Variants in PCDH9 observed in about 807,000 individuals in gnomAD.
The protein encoded by PCDH9 is protocadherin 9.
Under a neutral mutation model 70.6 loss-of-function variants are expected in PCDH9, and 24 were observed. That is an observed-to-expected ratio of 0.34 (90% confidence interval 0.25 to 0.48). PCDH9 has a LOEUF of 0.48. PCDH9 is among the 20% of genes least tolerant of loss of function. PCDH9 has a pLI of 0.99. For synonymous variants in PCDH9, 562 were observed against 558.5 expected, an observed-to-expected ratio of 1.01 and a Z score of -0.09; for missense variants, 1,281 against 1,503.6, an observed-to-expected ratio of 0.85 and a Z score of 2.45.
intron 2 of PCDH9, among the ~76,000 whole-genome samples, chr13:66,925,720 A>G (rs2082707256): frequency 6.6e-6 from 1 of 151,982 alleles, no homozygotes; most frequent in Admixed American, 6.6e-5. Flanking sequence ...TTATACAAAC[A>G]AACATATCAT....
Position 66,409,604 on chromosome 13 carries a change from T to G in PCDH9, c.3341-104576A>C, listed in dbSNP as rs1429475509. ...CTTAATTTGTCACCAGCACCGAAACTAGATTTCTCCAACATACTCATCCCC... is the reference window on the plus strand; with the variant it reads ...CTTAATTTGTCACCAGCACCGAAACGAGATTTCTCCAACATACTCATCCCC... On this transcript the variant is annotated intron_variant, in intron 4 of 4. Transcript: ENST00000377865. 4.6e-5 allele frequency among the ~76,000 whole-genome samples: 7 copies of G among 152,186 alleles called. No homozygotes were observed. In the South Asian group the frequency reaches 1.4e-3, roughly 31 times the overall value.
At chr13:67,207,433 A>G (rs1253386336) in intron 2 of PCDH9, 1 of 152,190 alleles carries the variant, frequency 6.6e-6, no homozygotes, top group Non-Finnish European at 1.5e-5. Context: ...GACAATAATA[A>G]CAGTATCCTC....
intron 3 of PCDH9, among the ~76,000 whole-genome samples, chr13:66,824,833 C>A (rs1386229946): frequency 6.6e-6 from 1 of 151,016 alleles, no homozygotes; most frequent in Admixed American, 6.6e-5. Flanking sequence ...GACAATGGAG[C>A]GTATTCCAGA....
At chr13:66,826,444 A>G (rs1196302296) in intron 3 of PCDH9, among the ~76,000 whole-genome samples, 1 of 152,222 alleles carries the variant, frequency 6.6e-6, no homozygotes, top group Non-Finnish European at 1.5e-5. Context: ...ATCTGAGACA[A>G]AATAGTTCTG....
intron 3 of PCDH9, among the ~76,000 whole-genome samples, chr13:66,798,179 C>T (rs976715238): frequency 6.6e-5 from 10 of 152,102 alleles, no homozygotes; most frequent in Non-Finnish European, 1.3e-4. Flanking sequence ...TCTTAACCAA[C>T]ACAAATACAA....
chr13:67,190,984 G>C (rs1264180411), intron 2 of PCDH9, among the ~76,000 whole-genome samples: 1 of 151,980 alleles, frequency 6.6e-6, no homozygotes, highest in Non-Finnish European at 1.5e-5. Flanking sequence ...ACAAATGATT[G>C]CACAAGAAGT....
At chr13:67,067,494 C>T (rs1252498610) in intron 2 of PCDH9, among the ~76,000 whole-genome samples, 2 of 152,018 alleles carry the variant, frequency 1.3e-5, no homozygotes, top group African/African-American at 4.8e-5. Context: ...TAGTTGCCAC[C>T]TGTGGATCAC....
chr13:66,904,348 G>T (rs942300195), intron 2 of PCDH9, among the ~76,000 whole-genome samples: 5 of 151,716 alleles, frequency 3.3e-5, no homozygotes, highest in African/African-American at 1.2e-4. Context: ...ACTTTTTCAT[G>T]TGAAAATAAG....
intron 3 of PCDH9, among the ~76,000 whole-genome samples, chr13:66,738,399 G>C (rs2079193566): frequency 6.6e-6 from 1 of 151,930 alleles, no homozygotes. Flanking sequence ...GGAAAAAACA[G>C]GACAGAAAAA....
At chr13:66,969,367 A>C (rs1465672270) in intron 2 of PCDH9, among the ~76,000 whole-genome samples, 1 of 151,960 alleles carries the variant, frequency 6.6e-6, no homozygotes, top group Non-Finnish European at 1.5e-5. Flanking sequence ...CTTATTGCCC[A>C]TTGTTATATT....
intron 3 of PCDH9, among the ~76,000 whole-genome samples, chr13:66,732,682 T>A (rs879808210): frequency 1.3e-5 from 2 of 152,072 alleles, no homozygotes; most frequent in African/African-American, 2.4e-5. Flanking sequence ...TGCTTATATC[T>A]CCAAATTATG....
intron 4 of PCDH9, among the ~76,000 whole-genome samples, chr13:66,307,805 A>T (rs1031948763): frequency 1.3e-5 from 2 of 152,118 alleles, no homozygotes; most frequent in African/African-American, 4.8e-5. Context: ...AATTTAAGAC[A>T]TATCACTCGA....
At chr13:67,021,773 T>G (rs1385369732) in intron 2 of PCDH9, among the ~76,000 whole-genome samples, 1 of 152,128 alleles carries the variant, frequency 6.6e-6, no homozygotes, top group Non-Finnish European at 1.5e-5. Context: ...TTGGCCAGGC[T>G]GGTTTCCAAC....
intron 4 of PCDH9, among the ~76,000 whole-genome samples, chr13:66,624,953 C>T (rs113907874): frequency 0.44 from 16,080 of 36,272 alleles, 1,155 homozygotes; most frequent in South Asian, 0.53. Context: ...ATTTAAAACA[C>T]GTAAAAAAAT....
intron 3 of PCDH9, among the ~76,000 whole-genome samples, chr13:66,828,189 A>G (rs779283678): frequency 2.6e-5 from 4 of 152,200 alleles, no homozygotes; most frequent in East Asian, 1.9e-4. Flanking sequence ...CTGAGCATCA[A>G]TGAAAGTGTA....
intron 3 of PCDH9, among the ~76,000 whole-genome samples, chr13:66,884,361 T>A (rs1274124140): frequency 6.6e-6 from 1 of 152,196 alleles, no homozygotes; most frequent in Non-Finnish European, 1.5e-5. Flanking sequence ...AATTAGCACA[T>A]CGCTGTTAGG....
At chr13:66,558,111 C>T (rs1247805775) in intron 4 of PCDH9, among the ~76,000 whole-genome samples, 1 of 152,132 alleles carries the variant, frequency 6.6e-6, no homozygotes, top group Non-Finnish European at 1.5e-5. Context: ...GCTATGATTG[C>T]ACCACTGCAC....
chr13:66,392,732 G>T (rs1382982935), intron 4 of PCDH9, among the ~76,000 whole-genome samples: 2 of 151,774 alleles, frequency 1.3e-5, no homozygotes, highest in African/African-American at 4.8e-5. Flanking sequence ...ACCACTTTAG[G>T]TTACACTGCA....
intron 4 of PCDH9, among the ~76,000 whole-genome samples, chr13:66,619,306 G>A (rs2077394663): frequency 6.6e-6 from 1 of 152,036 alleles, no homozygotes; most frequent in Non-Finnish European, 1.5e-5. Context: ...GCAAAAACAT[G>A]TTTTACTATT....
Sources: gnomAD v4.1 joint callset for allele counts (sites outside exome capture counted in the v4.1 genomes callset) on GRCh38, gnomAD v4.1.1 for gene constraint, MANE v1.5 for transcripts, NCBI Gene and HGNC (gene_info 2026-07-23, HGNC 2026-07-21) for gene names.